Variants in TANC1 observed in about 807,000 individuals in gnomAD.
TANC1 encodes protein TANC1.
A neutral mutation model predicts 149.7 loss-of-function variants in TANC1; 77 were observed. That is an observed-to-expected ratio of 0.51 (90% CI 0.43 to 0.62). The LOEUF is 0.62. Ranked by LOEUF, TANC1 falls within the 20% of genes least tolerant of loss-of-function variation. TANC1 has a pLI of 0.00. For synonymous variants in TANC1, 854 were observed against 925.0 expected, an observed-to-expected ratio of 0.92 and a Z score of 1.39; for missense variants, 1,985 against 2,321.8, an observed-to-expected ratio of 0.85 and a Z score of 2.98.
At chr2:159,174,888 T>G in intron 11 of TANC1, 65 bp from the exon 12 acceptor site, 1 of 1,266,502 alleles carries the variant, frequency 7.9e-7, no homozygotes, top group Non-Finnish European at 1.1e-6. Flanking sequence ...GTGTTCCTGT[T>G]TGAGATTGCA....
intron 2 of TANC1, among the ~76,000 whole-genome samples, chr2:159,040,759 C>G (rs2040566679): frequency 6.6e-6 from 1 of 152,218 alleles, no homozygotes; most frequent in Non-Finnish European, 1.5e-5. Flanking sequence ...AAGCCTACTT[C>G]TGTCAACTAG....
intron 3 of TANC1, among the ~76,000 whole-genome samples, chr2:159,075,569 A>G (rs974538088): frequency 2.0e-5 from 3 of 152,040 alleles, no homozygotes; most frequent in African/African-American, 7.2e-5. Flanking sequence ...GAGTAGTAAG[A>G]CCTTGTCTCC....
rs576542290 is a variant in TANC1 at position 158,972,697 on chromosome 2, T to C, written c.-126+3915T>C. ...AATGTCTTTTCAAAATATTAAGCAATGGGGTTTAAACCTCAATAAGAAGAT... is the reference window on the plus strand; with the variant it reads ...AATGTCTTTTCAAAATATTAAGCAACGGGGTTTAAACCTCAATAAGAAGAT... On this transcript the variant is annotated intron_variant, in intron 1 of 26. Coordinates refer to ENST00000263635, the MANE Select transcript of TANC1 (RefSeq NM_033394.3). 1.2e-4 allele frequency among the ~76,000 whole-genome samples: 18 copies of C among 152,304 alleles called. No homozygotes were observed. In the South Asian group the frequency reaches 3.7e-3, roughly 32 times the overall value.
At chr2:159,138,150 T>TCCTGATC (rs939204372) in intron 5 of TANC1, among the ~76,000 whole-genome samples, 22 of 152,102 alleles carry the variant, frequency 1.4e-4, no homozygotes, top group African/African-American at 5.1e-4. Context: ...GCTTTCTGAT[T>TCCTGATC]CGGCATCTTT....
At chr2:159,101,712 A>G (rs1174494613) in intron 4 of TANC1, among the ~76,000 whole-genome samples, 1 of 152,198 alleles carries the variant, frequency 6.6e-6, no homozygotes, top group East Asian at 1.9e-4. Context: ...CAGAGAAGAG[A>G]AAAGCTCATT....
chr2:159,219,062 GGT>G (rs1464816574), intron 20 of TANC1, among the ~76,000 whole-genome samples, 174 bp from the exon 21 acceptor site: 3 of 152,204 alleles, frequency 2.0e-5, no homozygotes, highest in Non-Finnish European at 2.9e-5. Context: ...TTTTGGAAAA[GGT>G]TCTGTTCAAA....
In TANC1 at chr2:159,231,108, C is replaced by A; in HGVS notation, c.*96C>A. 2 of 1,111,108 alleles carry A rather than the reference C, an allele frequency of 1.8e-6. No homozygotes were observed. Among genetic ancestry groups the A allele is most frequent in the Non-Finnish European group, 2.5e-6 (2 of 792,580 alleles). The allele number at this position is 1,111,108 out of a possible 1,614,324, so 68.8% of individuals were successfully genotyped here. A position where few individuals can be genotyped will look rare whatever the true frequency, so the allele number is the denominator to read the frequency against. ...TTTCATCAGAAAAATTATTTTTTAGCCATTTTTTTTCTTTGGGGTGGATCT... is the reference window on the plus strand; with the variant it reads ...TTTCATCAGAAAAATTATTTTTTAGACATTTTTTTTCTTTGGGGTGGATCT... On this transcript the variant is annotated 3_prime_UTR_variant, in exon 27 of 27. Transcript: ENST00000263635.
rs916103934 is a variant in TANC1 at position 159,231,726 on chromosome 2, T to C, written c.*714T>C. 6 of 152,314 alleles carry C rather than the reference T, an allele frequency of 3.9e-5. No homozygotes were observed. In the East Asian group the frequency reaches 1.2e-3, roughly 29 times the overall value. The allele number at this position is 152,314 out of a possible 1,614,324, so 9.4% of individuals were successfully genotyped here. A position where few individuals can be genotyped will look rare whatever the true frequency, so the allele number is the denominator to read the frequency against. ...AAACAGTATAAGCCATTTGGAGTCA[T>C]GATTGGTGGTCAAGTGGATTCAAGC... On this transcript the variant is annotated 3_prime_UTR_variant, in exon 27 of 27. Transcript: ENST00000263635.
At chr2:159,115,085 A>G (rs2048101016) in intron 4 of TANC1, among the ~76,000 whole-genome samples, 1 of 152,194 alleles carries the variant, frequency 6.6e-6, no homozygotes, top group African/African-American at 2.4e-5. Context: ...TTGGCAAGAG[A>G]TGACAACAGT....
intron 2 of TANC1, among the ~76,000 whole-genome samples, chr2:159,023,764 T>G (rs2039021780): frequency 6.6e-6 from 1 of 151,962 alleles, no homozygotes; most frequent in South Asian, 2.1e-4. Context: ...GTCAGGAGTT[T>G]GAGACCAGCC....
chr2:158,991,811 T>C (rs2035661036), intron 1 of TANC1, among the ~76,000 whole-genome samples: 1 of 152,098 alleles, frequency 6.6e-6, no homozygotes, highest in South Asian at 2.1e-4. Flanking sequence ...TCAGGTGAGC[T>C]GGAAACCAAG....
chr2:159,145,557 T>C (rs2051972162), intron 5 of TANC1, among the ~76,000 whole-genome samples: 1 of 152,154 alleles, frequency 6.6e-6, no homozygotes. Flanking sequence ...TGGCGGAAGA[T>C]GAGAAGATGG....
intron 4 of TANC1, among the ~76,000 whole-genome samples, chr2:159,128,186 TAGTG>T (rs1199646932): frequency 1.3e-5 from 2 of 152,244 alleles, no homozygotes; most frequent in Non-Finnish European, 1.5e-5. Context: ...GTCCCAGTAG[TAGTG>T]ACTCAAATCA....
chr2:159,179,098 G>A lies in TANC1; in HGVS notation c.2445G>A (p.Pro815=), dbSNP rs750504082. ...RRDKTRMFCH[P]SFREWLVWRA... ...ACAAAACCCGCATGTTCTGCCACCC[G>A]TCCTTCAGGGAGTGGCTTGTATGGA... The change falls in exon 14 of 27, where the codon CCG becomes CCA. Residue 815 remains proline, a synonymous_variant. Coordinates refer to ENST00000263635, the MANE Select transcript of TANC1 (RefSeq NM_033394.3). 1.6e-5 allele frequency: 26 copies of A among 1,613,556 alleles called. No individual in the cohort carries two copies. The highest frequency in any genetic ancestry group is 3.3e-5 in the Admixed American group (2 of 59,936).
chr2:159,230,072 A>T lies in TANC1; in HGVS notation c.4646A>T (p.Asn1549Ile). 6.2e-7 allele frequency: 1 copy of T among 1,614,018 alleles called. No homozygotes were observed. Among genetic ancestry groups the T allele is most frequent in the Non-Finnish European group, 8.5e-7 (1 of 1,180,040 alleles). ...HLGSGQSAVR[N>I]GSMKVQISSQ... ...GGCTCTGGCCAGTCGGCAGTGAGAA[A>T]TGGCAGTATGAAAGTTCAGATCTCT... The change falls in exon 27 of 27, where the codon AAT (asparagine) becomes ATT (isoleucine). Residue 1549 changes from asparagine (N) to isoleucine (I), a missense_variant. Physicochemically the swap from Asn to Ile is moderately radical, Grantham distance 149 (BLOSUM62 -3). Around this residue, in one of 3 missense-constraint regions of TANC1, gnomAD observed 920 missense variants for 994.7 expected, o/e 0.92. Transcript: ENST00000263635. This position sits in a 1 kb window ranked among gnomAD's most constrained non-coding sequence, Gnocchi z 4.4.
rs770997423 is a variant in TANC1 at position 159,196,811 on chromosome 2, T to C, written c.3165+18T>C. On this transcript the variant is annotated intron_variant, in intron 18 of 26. Transcript: ENST00000263635. ...ACAGCTCGGTGAGTGGGGCAGGGGT[T>C]TCCCTCCTGGGAAACAAGAAGCTGT... The C allele has an allele frequency of 1.3e-6, 2 of 1,591,392 alleles. No homozygotes were observed. Among genetic ancestry groups the C allele is most frequent in the East Asian group, 4.5e-5 (2 of 44,296 alleles).
intron 1 of TANC1, among the ~76,000 whole-genome samples, chr2:158,982,163 G>A (rs919421586): frequency 6.6e-6 from 1 of 152,146 alleles, no homozygotes; most frequent in Admixed American, 6.6e-5. Context: ...GCTGTCATAA[G>A]CAGCTCCCAG....
intron 3 of TANC1, among the ~76,000 whole-genome samples, chr2:159,071,504 T>A (rs1307842174): frequency 6.6e-6 from 1 of 152,240 alleles, no homozygotes; most frequent in Non-Finnish European, 1.5e-5. Context: ...AGCCTGTGTG[T>A]GTACTGAATT....
intron 2 of TANC1, among the ~76,000 whole-genome samples, chr2:159,053,350 A>G (rs2149603555): frequency 6.6e-6 from 1 of 152,264 alleles, no homozygotes; most frequent in East Asian, 1.9e-4. Context: ...CTTCTGTGAG[A>G]CTGCTTACTG....
Sources: gnomAD v4.1 joint callset for allele counts (sites outside exome capture counted in the v4.1 genomes callset) on GRCh38, gnomAD v4.1.1 for gene constraint, gnomAD v4.1.1 regional missense constraint, Gnocchi (gnomAD v3.1) non-coding constraint, MANE v1.5 for transcripts, NCBI Gene and HGNC (gene_info 2026-07-23, HGNC 2026-07-21) for gene names.